The following ADORA2B variants were observed in gnomAD, a reference collection of about 807,000 sequenced individuals.
ADORA2B encodes adenosine A2b receptor.
A neutral mutation model predicts 20.8 loss-of-function variants in ADORA2B; 18 were observed. The observed-to-expected ratio is 0.87, with a 90% CI of 0.60 to 1.29. ADORA2B has a LOEUF of 1.29. Ranked by LOEUF, ADORA2B falls within the 50% of genes most tolerant of loss-of-function variation. ADORA2B has a pLI of 0.00. For missense variants in ADORA2B, 441 were observed against 422.7 expected (o/e 1.04, Z -0.38); for synonymous variants, 179 against 178.3 (o/e 1.00, Z -0.03).
the ADORA2B span, among the ~76,000 whole-genome samples, chr17:15,903,963 A>C: frequency 6.6e-6 from 1 of 151,936 alleles, no homozygotes; most frequent in Admixed American, 6.6e-5. Context: ...CAGAACTTTT[A>C]TTCATTTTTT....
At chr17:15,878,698 T>C in the ADORA2B span, among the ~76,000 whole-genome samples, 1 of 152,250 alleles carries the variant, frequency 6.6e-6, no homozygotes, top group Non-Finnish European at 1.5e-5. Flanking sequence ...TAGCAATATC[T>C]TTAAGATTTT....
At chr17:15,955,138 C>T (rs1325228389) in intron 1 of ADORA2B, among the ~76,000 whole-genome samples, 7 of 152,080 alleles carry the variant, frequency 4.6e-5, no homozygotes, top group Admixed American at 4.6e-4. Flanking sequence ...TGTGTGGGTT[C>T]ACTTAAAATG....
Position 15,975,479 on chromosome 17 carries a change from C to A in ADORA2B, c.*137C>A. 1 of 802,800 alleles carries A rather than the reference C, an allele frequency of 1.2e-6. No homozygotes were observed. Among genetic ancestry groups the A allele is most frequent in the Non-Finnish European group, 1.9e-6 (1 of 513,194 alleles). 49.7% of individuals were successfully genotyped at this position (802,800 alleles called of 1,614,324 possible). A position where few individuals can be genotyped will look rare whatever the true frequency, so the allele number is the denominator to read the frequency against. ...CTCTTGAGCACTTCCCTGGAGCTAC[C>A]ACGTATCTAGCTAATATGTATGTGT... On this transcript the variant is annotated 3_prime_UTR_variant, in exon 2 of 2. Transcript: ENST00000304222.
At chr17:15,923,003 ATTTCTT>A in the ADORA2B span, among the ~76,000 whole-genome samples, 344 of 151,596 alleles carry the variant, frequency 2.3e-3, no homozygotes, top group Middle Eastern at 3.4e-3. Context: ...CATTGCCCAT[ATTTCTT>A]TTTCTTTTTC....
intron 1 of ADORA2B, among the ~76,000 whole-genome samples, chr17:15,958,961 G>A (rs954323262): frequency 6.6e-6 from 1 of 152,126 alleles, no homozygotes; most frequent in Non-Finnish European, 1.5e-5. Flanking sequence ...ATTAAGAGTC[G>A]GCAGTATACA....
the ADORA2B span, among the ~76,000 whole-genome samples, chr17:15,890,460 T>TATTTA: frequency 1.8e-4 from 15 of 83,344 alleles, 3 homozygotes; most frequent in East Asian, 3.6e-3. Flanking sequence ...CATTCCTTTC[T>TATTTA]TTTATTTATT....
the ADORA2B span, among the ~76,000 whole-genome samples, chr17:15,854,234 C>T: frequency 6.1e-3 from 929 of 152,272 alleles, 5 homozygotes; most frequent in Middle Eastern, 0.027. Context: ...GGATTACAGG[C>T]GTGAGCCACC....
chr17:15,933,197 C>T, the ADORA2B span, among the ~76,000 whole-genome samples: 3 of 152,102 alleles, frequency 2.0e-5, no homozygotes, highest in Non-Finnish European at 2.9e-5. Context: ...CCTTGTGATC[C>T]GCCCGCCTCA....
the ADORA2B span, among the ~76,000 whole-genome samples, chr17:15,883,430 A>G: frequency 2.6e-5 from 4 of 152,162 alleles, no homozygotes; most frequent in Admixed American, 2.0e-4. Flanking sequence ...CTGGCTACAG[A>G]GTTGCAAAGG....
At chr17:15,953,428 G>T (rs1407242309) in intron 1 of ADORA2B, among the ~76,000 whole-genome samples, 3 of 152,180 alleles carry the variant, frequency 2.0e-5, no homozygotes, top group African/African-American at 7.2e-5. Context: ...CCTCTGCCGG[G>T]GGCAGCCCCC....
chr17:15,975,031 A>G lies in ADORA2B; in HGVS notation c.688A>G (p.Ile230Val). The change falls in exon 2 of 2, where the codon ATC becomes GTC. Residue 230 changes from isoleucine (I) to valine (V), a missense_variant. Ile to Val is a conservative substitution (Grantham distance 29). Transcript: ENST00000304222. ...CTCGAGGACCACCCTCCAGCGGGAG[A>G]TCCATGCAGCCAAGTCACTGGCCAT... ...DHSRTTLQRE[I>V]HAAKSLAMIV... 2 of 1,614,104 alleles carry G rather than the reference A, an allele frequency of 1.2e-6. No individual in the cohort carries two copies. The highest frequency in any genetic ancestry group is 1.7e-6 in the Non-Finnish European group (2 of 1,180,024).
At chr17:15,905,906 A>G in the ADORA2B span, among the ~76,000 whole-genome samples, 3 of 152,266 alleles carry the variant, frequency 2.0e-5, no homozygotes, top group African/African-American at 7.2e-5. Context: ...TGCCCACCTC[A>G]GCCTCCCAAA....
At chr17:15,916,326 T>TGG in the ADORA2B span, among the ~76,000 whole-genome samples, 1 of 152,104 alleles carries the variant, frequency 6.6e-6, no homozygotes, top group Non-Finnish European at 1.5e-5. Context: ...GCCCCTGAGT[T>TGG]GAAGTGTAGG....
chr17:15,975,510 G>A lies in ADORA2B; in HGVS notation c.*168G>A. ...TCTAGCTAATATGTATGTGTCAGTAGTAGGCTCCAAGGATTGACAAATATA... is the reference window on the plus strand; with the variant it reads ...TCTAGCTAATATGTATGTGTCAGTAATAGGCTCCAAGGATTGACAAATATA... On this transcript the variant is annotated 3_prime_UTR_variant, in exon 2 of 2. Transcript: ENST00000304222. 2 of 646,104 alleles carry A rather than the reference G, an allele frequency of 3.1e-6. No individual in the cohort carries two copies. Among genetic ancestry groups the A allele is most frequent in the Non-Finnish European group, 5.3e-6 (2 of 379,306 alleles). The allele number at this position is 646,104 out of a possible 1,614,324, so 40.0% of individuals were successfully genotyped here.
At chr17:15,914,302 T>C in the ADORA2B span, among the ~76,000 whole-genome samples, 1 of 152,210 alleles carries the variant, frequency 6.6e-6, no homozygotes, top group African/African-American at 2.4e-5. Context: ...GATCAAGGGA[T>C]CCTTCCACCT....
At chr17:15,895,126 G>A in the ADORA2B span, among the ~76,000 whole-genome samples, 3 of 151,978 alleles carry the variant, frequency 2.0e-5, no homozygotes, top group African/African-American at 7.3e-5. Context: ...ATTAGATGAG[G>A]ACCATCCACA....
chr17:15,958,681 G>T (rs941912848), intron 1 of ADORA2B, among the ~76,000 whole-genome samples: 2 of 152,064 alleles, frequency 1.3e-5, no homozygotes, highest in Admixed American at 6.6e-5. Flanking sequence ...AGGCCTTTGC[G>T]CATGTGTTTC....
the ADORA2B span, among the ~76,000 whole-genome samples, chr17:15,931,163 A>G: frequency 5.9e-5 from 9 of 152,196 alleles, no homozygotes; most frequent in African/African-American, 2.2e-4. Context: ...CAAAAAATTT[A>G]AAAGGAGCCA....
chr17:15,896,183 T>C, the ADORA2B span, among the ~76,000 whole-genome samples: 1 of 152,170 alleles, frequency 6.6e-6, no homozygotes, highest in Admixed American at 6.5e-5. Context: ...TAGTACACAA[T>C]AGCTGCTTTA....
Sources: allele counts gnomAD v4.1 joint callset (sites outside exome capture counted in the v4.1 genomes callset), GRCh38; gene constraint gnomAD v4.1.1; transcripts MANE v1.5; gene names NCBI Gene and HGNC (gene_info 2026-07-23, HGNC 2026-07-21).